Variants in RYR3 observed in about 807,000 individuals in gnomAD.
RYR3 encodes brain ryanodine receptor-calcium release channel.
Under a neutral mutation model 584.3 loss-of-function variants are expected in RYR3, and 207 were observed. The observed-to-expected ratio is 0.35, with a 90% CI of 0.32 to 0.40. The LOEUF (loss-of-function observed/expected upper bound fraction) is 0.40. Ranked by LOEUF, RYR3 falls within the 10% of genes least tolerant of loss-of-function variation. The probability of loss-of-function intolerance (pLI) is 1.00; values close to 1 mark genes in which losing one functional copy is unlikely to be tolerated. For synonymous variants in RYR3, 2,416 were observed against 2,248.5 expected (o/e 1.07, Z -2.11); for missense variants, 5,616 against 6,089.2 (o/e 0.92, Z 2.59).
At chr15:33,578,869 T>C (rs1014057162) in intron 12 of RYR3, among the ~76,000 whole-genome samples, 2 of 151,966 alleles carry the variant, frequency 1.3e-5, no homozygotes, top group South Asian at 2.1e-4. Flanking sequence ...CCACAAGAGA[T>C]AGGTCCATTT....
intron 69 of RYR3, 31 bp downstream of exon 69, chr15:33,801,992 C>T: frequency 7.6e-7 from 1 of 1,311,190 alleles, no homozygotes; most frequent in Non-Finnish European, 1.1e-6. Context: ...TCCAAAAACT[C>T]TTCAACCCTA....
At chr15:33,436,608 C>T (rs1038286117) in intron 1 of RYR3, among the ~76,000 whole-genome samples, 1 of 151,300 alleles carries the variant, frequency 6.6e-6, no homozygotes, top group African/African-American at 2.4e-5. Flanking sequence ...TCACACCATT[C>T]TCCTGCCTCA....
In RYR3 at chr15:33,613,295, G is replaced by A; in HGVS notation, c.2277G>A (p.Gly759=). The change falls in exon 19 of 104, where the codon GGG becomes GGA. Residue 759 remains glycine (G), a synonymous_variant. Transcript: ENST00000634891. ...CCAGCATCTCATTCCGCATCAATGG[G>A]CAGCCCGTGCAGGGGATGTTTGAGA... is the stretch of plus-strand genomic sequence containing the variant. ...GVPSISFRIN[G]QPVQGMFENF... is the part of the protein sequence containing the mutation. The A allele has an allele frequency of 6.2e-7, 1 of 1,613,958 alleles. No homozygotes were observed. The highest frequency in any genetic ancestry group is 8.5e-7 in the Non-Finnish European group (1 of 1,179,880).
At chr15:33,593,702 AC>A (rs1166240004) in intron 16 of RYR3, among the ~76,000 whole-genome samples, 2 of 152,210 alleles carry the variant, frequency 1.3e-5, no homozygotes, top group Non-Finnish European at 2.9e-5. Context: ...TATTTCGAAG[AC>A]TTTTAATCAG....
intron 16 of RYR3, among the ~76,000 whole-genome samples, chr15:33,601,162 G>A (rs1484259962): frequency 1.3e-5 from 2 of 152,154 alleles, no homozygotes; most frequent in Non-Finnish European, 1.5e-5. Flanking sequence ...GGTTTGCATC[G>A]TTTGGAGGGA....
chr15:33,588,367 G>A (rs2058961113), intron 16 of RYR3, among the ~76,000 whole-genome samples: 1 of 152,150 alleles, frequency 6.6e-6, no homozygotes, highest in South Asian at 2.1e-4. Context: ...AATGCTCTGT[G>A]AGAATATATT....
At chr15:33,859,006 G>C (rs1483101938) in intron 99 of RYR3, 1 of 152,774 alleles carries the variant, frequency 6.5e-6, no homozygotes, top group Non-Finnish European at 1.5e-5. Context: ...GGTGTAAGAC[G>C]GTCCTTTCTC....
At chr15:33,313,522 G>A (rs140143600) in intron 1 of RYR3, among the ~76,000 whole-genome samples, 93 of 152,262 alleles carry the variant, frequency 6.1e-4, no homozygotes, top group Non-Finnish European at 1.1e-3. Context: ...GGGTAGTTGG[G>A]AACACCAGGC....
At chr15:33,565,630 C>T (rs993346215) in intron 11 of RYR3, among the ~76,000 whole-genome samples, 2 of 152,168 alleles carry the variant, frequency 1.3e-5, no homozygotes, top group Non-Finnish European at 2.9e-5. Context: ...CCAGGATCTA[C>T]ACTTTGTCTC....
intron 38 of RYR3, among the ~76,000 whole-genome samples, chr15:33,680,793 G>A (rs1025655016): frequency 6.6e-6 from 1 of 152,228 alleles, no homozygotes; most frequent in African/African-American, 2.4e-5. Context: ...AGAGACAAAC[G>A]GGTGCTATGT....
At chr15:33,834,813 A>G (rs1369607709) in intron 86 of RYR3, among the ~76,000 whole-genome samples, 155 bp from the exon 87 acceptor site, 2 of 152,260 alleles carry the variant, frequency 1.3e-5, no homozygotes, top group East Asian at 1.9e-4. Flanking sequence ...AGGAAAAGAA[A>G]AAAGTAATAA....
chr15:33,577,864 C>G (rs758356199), intron 12 of RYR3, among the ~76,000 whole-genome samples: 1 of 152,058 alleles, frequency 6.6e-6, no homozygotes, highest in Non-Finnish European at 1.5e-5. Flanking sequence ...TTTGCAATCT[C>G]TCCATCTGAC....
At chr15:33,434,849 G>A (rs182577176) in intron 1 of RYR3, among the ~76,000 whole-genome samples, 1 of 151,826 alleles carries the variant, frequency 6.6e-6, no homozygotes, top group East Asian at 1.9e-4. Flanking sequence ...ACAGAGTCTC[G>A]CTCTGTCTCC....
intron 1 of RYR3, among the ~76,000 whole-genome samples, chr15:33,389,926 C>G (rs577950050): frequency 6.6e-6 from 1 of 152,152 alleles, no homozygotes; most frequent in African/African-American, 2.4e-5. Flanking sequence ...AAATAGCATC[C>G]TATAAATATG....
intron 14 of RYR3, 21 bp downstream of exon 14, chr15:33,581,664 T>C: frequency 1.2e-6 from 2 of 1,607,822 alleles, no homozygotes; most frequent in Non-Finnish European, 1.7e-6. Context: ...ATACAGTGCC[T>C]TCTCCCTGGG....
intron 17 of RYR3, among the ~76,000 whole-genome samples, chr15:33,602,179 A>C (rs1482291734): frequency 6.6e-6 from 1 of 152,222 alleles, no homozygotes; most frequent in Non-Finnish European, 1.5e-5. Flanking sequence ...TTCCCTCTGA[A>C]GTGCAGAGTG....
rs59316591 is a variant in RYR3, at chr15:33,508,538, G to T, written c.279+4800G>T. Among the ~76,000 whole-genome samples the T allele has an allele frequency of 9.7e-3, 1,482 of 152,000 alleles. 11 individuals carry two copies. The highest frequency in any genetic ancestry group is 0.014 in the Non-Finnish European group (982 of 67,952). On this transcript the variant is annotated intron_variant, in intron 3 of 103. Transcript: ENST00000634891. ...GGTGGCGGGCGCCTGTAGTCCCAGC[G>T]ACTCGGGAGGCTGAGGCAGGAGAAT...
rs2073364084 is a variant in RYR3, at chr15:33,769,149, C to T, written c.8793C>T (p.Ile2931=). The T allele has an allele frequency of 6.2e-7, 1 of 1,613,482 alleles. No homozygotes were observed. Among genetic ancestry groups the T allele is most frequent in the African/African-American group, 1.3e-5 (1 of 75,010 alleles). Residue 2931 remains isoleucine, a synonymous_variant, in exon 62 of 104, where the codon ATC becomes ATT. Transcript: ENST00000634891. Reference sequence around the variant, plus strand: ...CTACAATGGTGAGCTGTCTTCACATCTTAGCTCAGACACTTGACACAAGGT... The same window carrying T: ...CTACAATGGTGAGCTGTCTTCACATTTTAGCTCAGACACTTGACACAAGGT... The part of the protein sequence containing the change: ...DSTTMVSCLH[I]LAQTLDTRTV...
At chr15:33,657,099 A>G (rs1274975762) in intron 32 of RYR3, among the ~76,000 whole-genome samples, 1 of 152,096 alleles carries the variant, frequency 6.6e-6, no homozygotes, top group Non-Finnish European at 1.5e-5. Flanking sequence ...TCATGAGCCC[A>G]CACTTGTGTT....
Sources: gnomAD v4.1 joint callset for allele counts (sites outside exome capture counted in the v4.1 genomes callset) on GRCh38, gnomAD v4.1.1 for gene constraint, MANE v1.5 for transcripts, NCBI Gene and HGNC (gene_info 2026-07-23, HGNC 2026-07-21) for gene names.